The following ABCA12 variants were observed in gnomAD, a reference collection of about 807,000 sequenced individuals.
The protein encoded by ABCA12 is glucosylceramide transporter ABCA12.
In ABCA12, 156 loss-of-function variants were observed where a neutral mutation model predicts 293.5. The ratio of observed to expected loss-of-function variants is 0.53; its 90% confidence interval spans 0.47 to 0.61. The LOEUF (loss-of-function observed/expected upper bound fraction) is 0.61, where lower values mean the gene tolerates loss of function less well. Among genes scored for constraint, ABCA12 ranks in the 20% least tolerant of loss-of-function variants. The pLI is 0.00. For synonymous variants in ABCA12, 1,063 were observed against 1,108.0 expected, an observed-to-expected ratio of 0.96 and a Z score of 0.81; for missense variants, 2,797 against 3,090.2, an observed-to-expected ratio of 0.91 and a Z score of 2.25.
At chr2:215,082,419 C>T (rs2106096178) in intron 2 of ABCA12, among the ~76,000 whole-genome samples, 1 of 152,258 alleles carries the variant, frequency 6.6e-6, no homozygotes, top group African/African-American at 2.4e-5. Context: ...CACCAGCCCT[C>T]AGCTGGTACT....
chr2:214,947,577 G>A (rs777592577), intron 47 of ABCA12, 21 bp from the exon 48 acceptor site: 2 of 1,613,014 alleles, frequency 1.2e-6, no homozygotes, highest in African/African-American at 2.7e-5. Flanking sequence ...TAAAAGGGGA[G>A]TTAGGTTGAC....
At position 215,046,024 on chromosome 2, in the gene ABCA12, A is replaced by G. The variant is rs1222099863; in HGVS notation, c.694-9T>C. 1.2e-5 allele frequency: 19 copies of G among 1,612,902 alleles called. No individual in the cohort carries two copies. The highest frequency in any genetic ancestry group is 1.6e-5 in the Non-Finnish European group (19 of 1,179,446). On this transcript the variant is annotated splice_polypyrimidine_tract_variant and intron_variant, in intron 6 of 52. Transcript: ENST00000272895. Reference sequence around the variant, plus strand: ...TTGGGGTCACTGGATAGCTTAAAATATAAAACCACAAACAGAGCAAAATGA... The same window carrying G: ...TTGGGGTCACTGGATAGCTTAAAATGTAAAACCACAAACAGAGCAAAATGA...
At position 215,123,321 on chromosome 2, in the gene ABCA12, G is replaced by A. The variant is rs187426298; in HGVS notation, c.70-11631C>T. Among the ~76,000 whole-genome samples the A allele has an allele frequency of 3.1e-3, 467 of 152,072 alleles. 2 individuals are homozygous for A. Among genetic ancestry groups the A allele is most frequent in the African/African-American group, 0.01 (435 of 41,480 alleles). On this transcript the variant is annotated intron_variant, in intron 1 of 52. Transcript: ENST00000272895. ...CAAGTAGCTGGGATTATAGGTGTCC[G>A]CCACCACACCTGGCTAACTTTGTAT...
chr2:215,122,804 T>A (rs1425443827), intron 1 of ABCA12, among the ~76,000 whole-genome samples: 2 of 152,202 alleles, frequency 1.3e-5, no homozygotes, highest in African/African-American at 4.8e-5. Context: ...TTTTTAAAAA[T>A]TTGCGATTTG....
chr2:215,002,556 G>A (rs1215060380), intron 20 of ABCA12, among the ~76,000 whole-genome samples: 1 of 152,182 alleles, frequency 6.6e-6, no homozygotes, highest in African/African-American at 2.4e-5. Context: ...ACAGAACCCA[G>A]ACATGTCTCT....
intron 10 of ABCA12, among the ~76,000 whole-genome samples, chr2:215,025,982 T>C (rs144874733): frequency 1.7e-3 from 258 of 152,322 alleles, no homozygotes; most frequent in African/African-American, 6.0e-3. Context: ...AAATATCAGC[T>C]TAGAGATAAA....
chr2:214,971,602 G>A (rs1019441800), intron 36 of ABCA12, among the ~76,000 whole-genome samples: 1 of 152,078 alleles, frequency 6.6e-6, no homozygotes, highest in Non-Finnish European at 1.5e-5. Flanking sequence ...GTGTTTTCTT[G>A]TGTCTGGTTC....
intron 48 of ABCA12, among the ~76,000 whole-genome samples, 166 bp downstream of exon 48, chr2:214,947,256 A>T (rs1698612012): frequency 6.6e-6 from 1 of 152,234 alleles, no homozygotes; most frequent in South Asian, 2.1e-4. Flanking sequence ...TGCTGATATA[A>T]AATCCTTTAT....
intron 2 of ABCA12, among the ~76,000 whole-genome samples, chr2:215,092,514 A>G (rs1164431033): frequency 6.6e-6 from 1 of 151,960 alleles, no homozygotes; most frequent in East Asian, 1.9e-4. Flanking sequence ...CTGGCAACCA[A>G]TCACACGCCC....
At position 215,075,054 on chromosome 2, in the gene ABCA12, G is replaced by A. The variant is rs191042093; in HGVS notation, c.164-10835C>T. ...TCAGGCACTTTAGGGCTTCACTTTA[G>A]TGAGTCAAATGTGAGAGTGTATTTA... On this transcript the variant is annotated intron_variant, in intron 2 of 52. Transcript: ENST00000272895. 3.9e-5 allele frequency among the ~76,000 whole-genome samples: 6 copies of A among 152,298 alleles called. No individual in the cohort carries two copies. In the East Asian group the frequency reaches 1.2e-3, roughly 29 times the overall value.
chr2:215,011,315 T>C (rs1700366797), intron 17 of ABCA12, 124 bp downstream of exon 17: 1 of 764,960 alleles, frequency 1.3e-6, no homozygotes, highest in African/African-American at 1.8e-5. Context: ...GCTGTATAAT[T>C]ATTTTCTATT....
chr2:215,125,937 T>A (rs1702912038), intron 1 of ABCA12, among the ~76,000 whole-genome samples: 1 of 152,228 alleles, frequency 6.6e-6, no homozygotes. Context: ...GGGTTTGTCA[T>A]AGATGGCTTT....
At position 215,015,644 on chromosome 2, in the gene ABCA12, C is replaced by T. The variant is rs1163020303; in HGVS notation, c.1802G>A (p.Trp601Ter). The T allele has an allele frequency of 1.2e-6, 2 of 1,613,790 alleles. No homozygotes were observed. Among genetic ancestry groups the T allele is most frequent in the African/African-American group, 2.7e-5 (2 of 74,870 alleles). ...GATATTAGTATCACAGGAATGCAGC[C>T]AGAACACCTGAGAAATAATCTGCAA... is the stretch of plus-strand genomic sequence containing the variant. ...NRAEIISQVF[W>*]LHSCDTNITT... Residue 601 changes from tryptophan to a stop codon, truncating the protein, a stop_gained, in exon 15 of 53, where the codon TGG becomes TAG. Transcript: ENST00000272895. LOFTEE classifies it high-confidence loss of function.
Position 215,011,596 on chromosome 2 carries a change from G to C in ABCA12, c.2175C>G (p.Ile725Met). The stretch of plus-strand genomic sequence containing the variant: ...TTCCTTGAGAACATAATGCTTGGGA[G>C]ATGGTGCTAAATGATCCTTGTGGTG... ...MNTPQGSFST[I>M]SQALCSQGIT... is the part of the protein sequence containing the mutation. Residue 725 changes from isoleucine (I) to methionine (M), a missense_variant, in exon 17 of 53, where the codon ATC (isoleucine) becomes ATG (methionine). Transcript: ENST00000272895. 1 of 1,614,090 alleles carries C rather than the reference G, an allele frequency of 6.2e-7. No homozygotes were observed. The highest frequency in any genetic ancestry group is 8.5e-7 in the Non-Finnish European group (1 of 1,179,950).
At chr2:215,001,043 A>G (rs1700134143) in intron 21 of ABCA12, 23 bp from the exon 22 acceptor site, 1 of 1,610,574 alleles carries the variant, frequency 6.2e-7, no homozygotes, top group Non-Finnish European at 8.5e-7. Flanking sequence ...TGGCAACAAC[A>G]GCAGAAAGGT....
At chr2:214,993,466 G>A (rs1193132348) in intron 23 of ABCA12, among the ~76,000 whole-genome samples, 2 of 152,180 alleles carry the variant, frequency 1.3e-5, no homozygotes, top group African/African-American at 4.8e-5. Context: ...ACTGTGTCAT[G>A]TTTGGCGACT....
chr2:214,991,025 T>G lies in ABCA12; in HGVS notation c.3301A>C (p.Lys1101Gln). ...CTGCAGGAGTTCACACCCATCATCTTCATGTACTGTAAGAAGAAAAAATGT... is the reference window on the plus strand; with the variant it reads ...CTGCAGGAGTTCACACCCATCATCTGCATGTACTGTAAGAAGAAAAAATGT... ...EKDLRLHEYM[K>Q]MMGVNSCSHF... Residue 1101 changes from lysine (K) to glutamine (Q), a missense_variant, in exon 24 of 53, where the codon AAG becomes CAG. Transcript: ENST00000272895. 1 of 1,613,816 alleles carries G rather than the reference T, an allele frequency of 6.2e-7. No individual in the cohort carries two copies. Among genetic ancestry groups the G allele is most frequent in the South Asian group, 1.1e-5 (1 of 91,078 alleles).
At position 215,138,581 on chromosome 2, in the gene ABCA12, C is replaced by T. The variant is rs1240933979; in HGVS notation, c.-373G>A. 6.6e-6 allele frequency among the ~76,000 whole-genome samples: 1 copy of T among 151,200 alleles called. No homozygotes were observed. The highest frequency in any genetic ancestry group is 1.5e-5 in the Non-Finnish European group (1 of 67,860). On this transcript the variant is annotated 5_prime_UTR_variant, in exon 1 of 53. Transcript: ENST00000272895. ...ACTGAAAAAAAAAAAAAAGCAGCAG[C>T]TGAACCCACACCTCCTACTCTCCAT... is the stretch of plus-strand genomic sequence containing the variant.
chr2:215,010,525 C>T, intron 17 of ABCA12, 55 bp from the exon 18 acceptor site: 1 of 1,585,664 alleles, frequency 6.3e-7, no homozygotes, highest in South Asian at 1.1e-5. Flanking sequence ...AAATCCATTT[C>T]CACATGGCAA....
Sources: gnomAD v4.1 joint callset for allele counts (sites outside exome capture counted in the v4.1 genomes callset) on GRCh38, gnomAD v4.1.1 for gene constraint, MANE v1.5 for transcripts, NCBI Gene and HGNC (gene_info 2026-07-23, HGNC 2026-07-21) for gene names.